CENPP: variants seen among roughly 807,000 people sequenced by gnomAD.
CENPP encodes centromere protein P.
In CENPP, 24 loss-of-function variants were observed where a neutral mutation model predicts 35.6. That is an observed-to-expected ratio of 0.67 (90% CI 0.49 to 0.95). The LOEUF is 0.95. Among genes scored for constraint, CENPP ranks in the 40% least tolerant of loss-of-function variants. The pLI is 0.00. For missense variants in CENPP, 332 were observed against 345.3 expected (o/e 0.96, Z 0.31); for synonymous variants, 120 against 125.5 (o/e 0.96, Z 0.29).
intron 5 of CENPP, chr9:92,384,008 T>C (rs1198698564): frequency 6.6e-6 from 1 of 152,200 alleles, no homozygotes; most frequent in African/African-American, 2.4e-5. Flanking sequence ...TTATTATATA[T>C]TCAATTCAAA....
intron 5 of CENPP, among the ~76,000 whole-genome samples, chr9:92,406,077 G>C (rs1365184311): frequency 6.6e-6 from 1 of 152,170 alleles, no homozygotes; most frequent in African/African-American, 2.4e-5. Flanking sequence ...GAGTCAAGGA[G>C]ACTGCACCCA....
chr9:92,473,566 G>T (rs1361128075), intron 5 of CENPP, among the ~76,000 whole-genome samples: 2 of 152,126 alleles, frequency 1.3e-5, no homozygotes, highest in East Asian at 1.9e-4. Context: ...TGTTCCTGAT[G>T]CTGTTTCCAC....
chr9:92,502,444 C>T (rs1588190628), intron 5 of CENPP: 1 of 1,560,064 alleles, frequency 6.4e-7, no homozygotes, highest in South Asian at 1.1e-5. Context: ...TCCCAGTTTC[C>T]ATACTCTGTT....
At chr9:92,550,380 A>G (rs1849562593) in intron 5 of CENPP, among the ~76,000 whole-genome samples, 1 of 137,832 alleles carries the variant, frequency 7.3e-6, no homozygotes, top group Non-Finnish European at 1.5e-5. Context: ...TGGGTGACAG[A>G]GTGAGACTCT....
At chr9:92,367,115 G>A (rs755536735) in intron 4 of CENPP, among the ~76,000 whole-genome samples, 4 of 152,112 alleles carry the variant, frequency 2.6e-5, no homozygotes, top group Non-Finnish European at 4.4e-5. Flanking sequence ...TAAGACAAAA[G>A]TTGTTGTTAA....
intron 5 of CENPP, among the ~76,000 whole-genome samples, chr9:92,434,974 C>T (rs1844211794): frequency 6.6e-6 from 1 of 152,116 alleles, no homozygotes; most frequent in Non-Finnish European, 1.5e-5. Flanking sequence ...ATTGCTTGAA[C>T]CTGGGAGGTG....
chr9:92,394,467 G>C lies in CENPP; in HGVS notation c.564+14608G>C, dbSNP rs1842811720. Among the ~76,000 whole-genome samples, 3 of 150,358 alleles carry C rather than the reference G, an allele frequency of 2.0e-5. No homozygotes were observed. The South Asian group carries it at 6.3e-4, about 32-fold the overall frequency. On this transcript the variant is annotated intron_variant, in intron 5 of 7. Coordinates refer to ENST00000375587, the MANE Select transcript of CENPP (RefSeq NM_001012267.3). ...AAGGTTTCACCATGTTGGCCAGGCTGGTCTCGAACATGACCTCAAGTGATC... is the reference window on the plus strand; with the variant it reads ...AAGGTTTCACCATGTTGGCCAGGCTCGTCTCGAACATGACCTCAAGTGATC...
intron 1 of CENPP, among the ~76,000 whole-genome samples, chr9:92,327,919 C>T (rs1840618893): frequency 6.6e-6 from 1 of 152,126 alleles, no homozygotes; most frequent in African/African-American, 2.4e-5. Context: ...ATCTTATTGC[C>T]ACAGAGTCCG....
At chr9:92,471,322 G>A (rs998513410) in intron 5 of CENPP, among the ~76,000 whole-genome samples, 4 of 151,528 alleles carry the variant, frequency 2.6e-5, no homozygotes, top group Non-Finnish European at 2.9e-5. Flanking sequence ...TCAGCCTCCT[G>A]AGTAGCTGGG....
chr9:92,396,941 T>C (rs1426640425), intron 5 of CENPP, among the ~76,000 whole-genome samples: 1 of 152,058 alleles, frequency 6.6e-6, no homozygotes, highest in Non-Finnish European at 1.5e-5. Flanking sequence ...TTTTAGAGGC[T>C]GAGGCAGGTG....
chr9:92,340,526 C>A, intron 3 of CENPP: 1 of 152,760 alleles, frequency 6.5e-6, no homozygotes, highest in South Asian at 1.9e-4. Flanking sequence ...TGCGGGAAGT[C>A]AGGGACCCCA....
At chr9:92,509,938 C>T in intron 5 of CENPP, 1 of 1,608,104 alleles carries the variant, frequency 6.2e-7, no homozygotes, top group Non-Finnish European at 8.5e-7. Flanking sequence ...AGATTGTTCT[C>T]ATTGACTTTA....
intron 5 of CENPP, among the ~76,000 whole-genome samples, chr9:92,453,649 T>G (rs1844783721): frequency 6.6e-6 from 1 of 152,116 alleles, no homozygotes; most frequent in African/African-American, 2.4e-5. Context: ...ATGGGAGACT[T>G]TAACACCCCA....
rs534005990 is a variant in CENPP, at chr9:92,494,058, CTGTT to C, written c.564+114202_564+114205del. 2.9e-4 allele frequency: 456 copies of C among 1,596,216 alleles called. 4 individuals carry two copies. In the South Asian group the frequency reaches 4.0e-3, roughly 14 times the overall value. On this transcript the variant is annotated intron_variant, in intron 5 of 7. Coordinates refer to ENST00000375587, the MANE Select transcript of CENPP (RefSeq NM_001012267.3). ...GCACAGCACTTGCCTGCTTACTTGTCTGTTTGATTTCCTGCTTATTGCCTCTACC... is the reference window on the plus strand; with the variant it reads ...GCACAGCACTTGCCTGCTTACTTGTCTGATTTCCTGCTTATTGCCTCTACC...
chr9:92,439,650 T>C (rs1030696815), intron 5 of CENPP, among the ~76,000 whole-genome samples: 1 of 152,212 alleles, frequency 6.6e-6, no homozygotes, highest in Non-Finnish European at 1.5e-5. Flanking sequence ...CTATGCCACC[T>C]TCTCTTTGTC....
At chr9:92,488,673 G>C (rs971217747) in intron 5 of CENPP, among the ~76,000 whole-genome samples, 7 of 152,072 alleles carry the variant, frequency 4.6e-5, no homozygotes, top group Non-Finnish European at 1.0e-4. Flanking sequence ...TTTGATGTTT[G>C]TGAATGTAAT....
At chr9:92,585,373 C>A (rs901963053) in intron 5 of CENPP, among the ~76,000 whole-genome samples, 1 of 152,156 alleles carries the variant, frequency 6.6e-6, no homozygotes, top group Non-Finnish European at 1.5e-5. Context: ...AATCAAAAGT[C>A]TGGCTCCATT....
intron 5 of CENPP, among the ~76,000 whole-genome samples, chr9:92,408,407 A>G (rs1028392282): frequency 3.9e-5 from 6 of 152,014 alleles, no homozygotes; most frequent in Non-Finnish European, 5.9e-5. Flanking sequence ...GATGGTCTCG[A>G]TCTCTTGATC....
intron 5 of CENPP, among the ~76,000 whole-genome samples, chr9:92,400,227 C>A (rs540682934): frequency 6.6e-6 from 1 of 152,098 alleles, no homozygotes; most frequent in African/African-American, 2.4e-5. Flanking sequence ...CTCGGCTCAC[C>A]GCAACCTCCA....
Sources: gnomAD v4.1 joint callset for allele counts (sites outside exome capture counted in the v4.1 genomes callset) on GRCh38, gnomAD v4.1.1 for gene constraint, MANE v1.5 for transcripts, NCBI Gene and HGNC (gene_info 2026-07-23, HGNC 2026-07-21) for gene names.